The following LRRTM3 variants were observed in gnomAD, a reference collection of about 807,000 sequenced individuals.
LRRTM3 encodes the protein leucine-rich repeat transmembrane neuronal protein 3.
A neutral mutation model predicts 44.7 loss-of-function variants in LRRTM3; 24 were observed. The ratio of observed to expected loss-of-function variants is 0.54; its 90% CI spans 0.39 to 0.76. The LOEUF (loss-of-function observed/expected upper bound fraction) is 0.76, where lower values mean the gene tolerates loss of function less well. LRRTM3 is among the 30% of genes least tolerant of loss of function. The pLI is 0.00. For missense variants in LRRTM3, 587 were observed against 702.2 expected (o/e 0.84, Z 1.85); for synonymous variants, 277 against 278.7 (o/e 0.99, Z 0.06).
chr10:67,060,832 G>C (rs776598071), intron 2 of LRRTM3, among the ~76,000 whole-genome samples: 1 of 148,636 alleles, frequency 6.7e-6, no homozygotes, highest in Non-Finnish European at 1.5e-5. Context: ...GTACATATAT[G>C]ACATGAAAAA....
chr10:66,946,577 A>G (rs1314603505), intron 2 of LRRTM3, among the ~76,000 whole-genome samples: 1 of 152,104 alleles, frequency 6.6e-6, no homozygotes, highest in Non-Finnish European at 1.5e-5. Flanking sequence ...CACTACTGTT[A>G]CCTGTAACAG....
intron 2 of LRRTM3, among the ~76,000 whole-genome samples, chr10:67,009,538 T>C (rs1289686712): frequency 6.6e-6 from 1 of 152,162 alleles, no homozygotes; most frequent in East Asian, 1.9e-4. Context: ...TTTGTTTGTT[T>C]GTTTGCTTGT....
intron 2 of LRRTM3, among the ~76,000 whole-genome samples, chr10:66,936,988 T>C (rs1472227384): frequency 1.3e-5 from 2 of 152,168 alleles, no homozygotes; most frequent in African/African-American, 2.4e-5. Flanking sequence ...TCATCCTCTA[T>C]AGATTCCTCA....
chr10:66,999,748 G>A (rs1291017867), intron 2 of LRRTM3, among the ~76,000 whole-genome samples: 2 of 152,140 alleles, frequency 1.3e-5, no homozygotes, highest in Non-Finnish European at 2.9e-5. Context: ...CAATTTTACT[G>A]TATTTTATCA....
chr10:67,048,744 G>A (rs573448265), intron 2 of LRRTM3, among the ~76,000 whole-genome samples: 2 of 152,122 alleles, frequency 1.3e-5, no homozygotes, highest in East Asian at 3.9e-4. Context: ...AAGTGAGGTA[G>A]ACAACAGAAA....
At chr10:66,948,163 C>T (rs1848368894) in intron 2 of LRRTM3, among the ~76,000 whole-genome samples, 1 of 152,156 alleles carries the variant, frequency 6.6e-6, no homozygotes, top group Non-Finnish European at 1.5e-5. Flanking sequence ...TGTAGTGCAT[C>T]ACTGTATATT....
intron 2 of LRRTM3, among the ~76,000 whole-genome samples, chr10:67,047,705 CTAAAA>C (rs962081044): frequency 3.3e-5 from 5 of 152,042 alleles, no homozygotes; most frequent in African/African-American, 1.2e-4. Flanking sequence ...CTTTCACATA[CTAAAA>C]TAATTAGTGT....
At chr10:67,029,907 A>T (rs1853617027) in intron 2 of LRRTM3, among the ~76,000 whole-genome samples, 1 of 152,244 alleles carries the variant, frequency 6.6e-6, no homozygotes, top group African/African-American at 2.4e-5. Flanking sequence ...GACAATCCAG[A>T]TATAGAACAG....
At chr10:66,951,098 C>T (rs904346975) in intron 2 of LRRTM3, among the ~76,000 whole-genome samples, 5 of 150,142 alleles carry the variant, frequency 3.3e-5, no homozygotes, top group African/African-American at 1.2e-4. Context: ...TACACACACA[C>T]ACACACACAC....
chr10:67,061,911 G>A (rs1397721436), intron 2 of LRRTM3, among the ~76,000 whole-genome samples: 2 of 151,798 alleles, frequency 1.3e-5, no homozygotes, highest in Admixed American at 6.6e-5. Flanking sequence ...TAGAATTGGT[G>A]CAAAGTATTA....
chr10:66,983,705 C>T (rs1022431586), intron 2 of LRRTM3, among the ~76,000 whole-genome samples: 1 of 152,176 alleles, frequency 6.6e-6, no homozygotes, highest in African/African-American at 2.4e-5. Context: ...ATAGTTTAGT[C>T]TTTCTCCACA....
intron 2 of LRRTM3, among the ~76,000 whole-genome samples, chr10:67,000,373 C>T (rs1466136646): frequency 3.3e-5 from 5 of 152,086 alleles, no homozygotes; most frequent in Admixed American, 6.6e-5. Context: ...AAGTTGATGG[C>T]GAATTGGCAC....
At chr10:67,031,361 A>T (rs1853714818) in intron 2 of LRRTM3, among the ~76,000 whole-genome samples, 1 of 152,202 alleles carries the variant, frequency 6.6e-6, no homozygotes, top group Non-Finnish European at 1.5e-5. Context: ...AGAAAAAATC[A>T]GTGTCAGATC....
intron 2 of LRRTM3, among the ~76,000 whole-genome samples, chr10:67,029,116 G>A (rs562602726): frequency 6.6e-6 from 1 of 152,212 alleles, no homozygotes; most frequent in South Asian, 2.1e-4. Flanking sequence ...CTTTCTTTAT[G>A]TCTCTCTACT....
chr10:67,005,367 TC>T (rs1851906256), intron 2 of LRRTM3, among the ~76,000 whole-genome samples: 2 of 152,182 alleles, frequency 1.3e-5, no homozygotes, highest in Admixed American at 1.3e-4. Flanking sequence ...CTAAATCACT[TC>T]CCCCAAGCAG....
chr10:67,078,519 A>C (rs7919830), intron 2 of LRRTM3, among the ~76,000 whole-genome samples: 3 of 150,620 alleles, frequency 2.0e-5, no homozygotes, highest in Non-Finnish European at 2.9e-5. Context: ...TACCTTTTTT[A>C]TTATTATTAT....
intron 2 of LRRTM3, among the ~76,000 whole-genome samples, chr10:67,088,732 A>C (rs1189255703): frequency 1.3e-5 from 2 of 152,046 alleles, no homozygotes; most frequent in Non-Finnish European, 2.9e-5. Flanking sequence ...ATACCACTAA[A>C]AGAATTATTA....
chr10:66,988,402 T>A (rs1638957235), intron 2 of LRRTM3, among the ~76,000 whole-genome samples: 2 of 152,198 alleles, frequency 1.3e-5, no homozygotes, highest in Admixed American at 1.3e-4. Context: ...ATTTTCTAGC[T>A]ATTACACAAA....
chr10:66,926,462 A>ATTT lies in LRRTM3; in HGVS notation c.-119_-117dup. ...ATCGGTCCATCTCCCAAGGGGTCCA[A>ATTT]TTTTTCTTCCTGGGTGTCAGCGAGC... On this transcript the variant is annotated 5_prime_UTR_variant, in exon 1 of 3. Coordinates refer to ENST00000361320, the MANE Select transcript of LRRTM3 (RefSeq NM_178011.5). 2 of 1,162,734 alleles carry ATTT rather than the reference A, an allele frequency of 1.7e-6. No individual in the cohort carries two copies. The highest frequency in any genetic ancestry group is 4.7e-5 in the East Asian group (2 of 42,592). The allele number at this position is 1,162,734 out of a possible 1,614,324, so 72.0% of individuals were successfully genotyped here. A position where few individuals can be genotyped will look rare whatever the true frequency, so the allele number is the denominator to read the frequency against.
Sources: gnomAD v4.1 joint callset for allele counts (sites outside exome capture counted in the v4.1 genomes callset) on GRCh38, gnomAD v4.1.1 for gene constraint, MANE v1.5 for transcripts, NCBI Gene and HGNC (gene_info 2026-07-23, HGNC 2026-07-21) for gene names.